Variants in PEDS1 observed in about 807,000 individuals in gnomAD.
PEDS1 encodes the protein CarF homolog.
Under a neutral mutation model 35.2 loss-of-function variants are expected in PEDS1, and 14 were observed. The ratio of observed to expected loss-of-function variants is 0.40; its 90% CI spans 0.26 to 0.62. The LOEUF (loss-of-function observed/expected upper bound fraction) is 0.62. PEDS1 is among the 20% of genes least tolerant of loss of function. PEDS1 has a pLI of 0.44. For synonymous variants in PEDS1, 152 were observed against 152.0 expected (o/e 1.00, Z 0.00); for missense variants, 260 against 367.8 (o/e 0.71, Z 2.40).
intron 3 of PEDS1, among the ~76,000 whole-genome samples, chr20:50,130,158 C>T (rs1193452104): frequency 1.3e-5 from 2 of 152,200 alleles, no homozygotes; most frequent in South Asian, 2.1e-4. Flanking sequence ...ATCATAGCAT[C>T]TCCTCCCTCT....
At chr20:50,139,206 G>T (rs904059026) in intron 2 of PEDS1, among the ~76,000 whole-genome samples, 1 of 152,106 alleles carries the variant, frequency 6.6e-6, no homozygotes, top group South Asian at 2.1e-4. Context: ...TGCCCGGAAG[G>T]CTTCTCCCAA....
In PEDS1 at chr20:50,129,417, T is replaced by C; in HGVS notation, c.478+129A>G. 7.3e-7 allele frequency: 1 copy of C among 1,367,982 alleles called. No individual in the cohort carries two copies. The highest frequency in any genetic ancestry group is 9.7e-7 in the Non-Finnish European group (1 of 1,033,062). 84.7% of individuals were successfully genotyped at this position (1,367,982 alleles called of 1,614,324 possible). A position where few individuals can be genotyped will look rare whatever the true frequency, so the allele number is the denominator to read the frequency against. ...TCATGTCAGGTTTCCTGATTTTACA[T>C]GAAGACAATGAATGAAAACTCTTTT... On this transcript the variant is annotated intron_variant, in intron 4 of 5. Transcript: ENST00000371652. The surrounding 1 kb of genome is among the most constrained non-coding windows in gnomAD (Gnocchi z 4.2).
intron 3 of PEDS1, among the ~76,000 whole-genome samples, chr20:50,130,197 G>A (rs6020283): frequency 0.016 from 2,363 of 152,324 alleles, 63 homozygotes; most frequent in African/African-American, 0.054. Context: ...GGCCCAGCAC[G>A]TGACCCAATC....
Position 50,128,685 on chromosome 20 carries a change from A to T in PEDS1, c.479-498T>A, listed in dbSNP as rs1173786969. On this transcript the variant is annotated intron_variant, in intron 4 of 5. Transcript: ENST00000371652. This position sits in a 1 kb window ranked among gnomAD's most constrained non-coding sequence, Gnocchi z 5.2. ...GCAAGACACGGCAGGGGAAGAGCAG[A>T]GCAAAGATGGGGTGGGTGGCGTCCT... Among the ~76,000 whole-genome samples, 1 of 152,198 alleles carries T rather than the reference A, an allele frequency of 6.6e-6. No homozygotes were observed. Among genetic ancestry groups the T allele is most frequent in the Admixed American group, 6.5e-5 (1 of 15,282 alleles).
intron 1 of PEDS1, among the ~76,000 whole-genome samples, chr20:50,145,995 GC>G (rs1361784702): frequency 6.6e-6 from 1 of 152,004 alleles, no homozygotes; most frequent in Middle Eastern, 3.2e-3. Flanking sequence ...TCCCGCTCTC[GC>G]CCCGCTCTAT....
At chr20:50,147,820 C>G (rs934783200) in intron 1 of PEDS1, among the ~76,000 whole-genome samples, 12 of 152,024 alleles carry the variant, frequency 7.9e-5, no homozygotes, top group African/African-American at 2.9e-4. Flanking sequence ...TTTGGGAGGC[C>G]GAGGTGGGCA....
In PEDS1 at chr20:50,143,639, G is replaced by T; in HGVS notation, c.122-18C>A. 1 of 1,613,852 alleles carries T rather than the reference G, an allele frequency of 6.2e-7. No homozygotes were observed. Among genetic ancestry groups the T allele is most frequent in the Non-Finnish European group, 8.5e-7 (1 of 1,179,878 alleles). On this transcript the variant is annotated intron_variant, in intron 1 of 5. Transcript: ENST00000371652. Reference sequence around the variant, plus strand: ...GCGCTTGCCTGCAGGGAGCAGAGGCGAGAGGTAAAGGCTGGAAGGTCAAGG... The same window carrying T: ...GCGCTTGCCTGCAGGGAGCAGAGGCTAGAGGTAAAGGCTGGAAGGTCAAGG...
At chr20:50,138,215 C>T (rs927225945) in intron 2 of PEDS1, among the ~76,000 whole-genome samples, 6 of 152,204 alleles carry the variant, frequency 3.9e-5, no homozygotes, top group African/African-American at 1.4e-4. Flanking sequence ...AATCTCACTT[C>T]ATGTCCACAG....
chr20:50,139,884 C>T (rs373401992), intron 2 of PEDS1, among the ~76,000 whole-genome samples: 4 of 151,980 alleles, frequency 2.6e-5, no homozygotes, highest in South Asian at 2.1e-4. Flanking sequence ...TTTCACCGTC[C>T]CAAAGTGCTG....
At chr20:50,126,574 A>G (rs1295151869) in intron 5 of PEDS1, among the ~76,000 whole-genome samples, 1 of 152,172 alleles carries the variant, frequency 6.6e-6, no homozygotes, top group Non-Finnish European at 1.5e-5. Context: ...TGGCCCTAAG[A>G]AGGTGATATA....
intron 3 of PEDS1, among the ~76,000 whole-genome samples, chr20:50,130,384 G>T (rs2081164932): frequency 1.3e-5 from 2 of 152,192 alleles, no homozygotes; most frequent in South Asian, 4.1e-4. Flanking sequence ...AGATAGAGAT[G>T]GAAGAAGACT....
chr20:50,137,882 C>T (rs930360445), intron 2 of PEDS1, among the ~76,000 whole-genome samples: 1 of 151,744 alleles, frequency 6.6e-6, no homozygotes, highest in Non-Finnish European at 1.5e-5. Context: ...AACAAACAAA[C>T]AAAAAAAACT....
chr20:50,151,071 T>C, intron 1 of PEDS1: 1 of 376,768 alleles, frequency 2.7e-6, no homozygotes, highest in Non-Finnish European at 5.1e-6. Context: ...AGGTGTTCAA[T>C]ATGCACTGAG....
chr20:50,128,201 A>T lies in PEDS1; in HGVS notation c.479-14T>A. On this transcript the variant is annotated splice_polypyrimidine_tract_variant and intron_variant, in intron 4 of 5. Coordinates refer to ENST00000371652, the MANE Select transcript of PEDS1 (RefSeq NM_199129.4). The surrounding 1 kb of genome is among the most constrained non-coding windows in gnomAD (Gnocchi z 5.2). ...GCTCCAGGGCTTCTGCAGGTTGGGGAGAGGGGGGGCCGGCACAGCTGTCAC... is the reference window on the plus strand; with the variant it reads ...GCTCCAGGGCTTCTGCAGGTTGGGGTGAGGGGGGGCCGGCACAGCTGTCAC... The T allele has an allele frequency of 2.5e-6, 4 of 1,613,322 alleles. No homozygotes were observed. Among genetic ancestry groups the T allele is most frequent in the Non-Finnish European group, 3.4e-6 (4 of 1,179,804 alleles).
intron 2 of PEDS1, 132 bp downstream of exon 2, chr20:50,143,370 T>C: frequency 7.1e-7 from 1 of 1,416,454 alleles, no homozygotes; most frequent in Admixed American, 2.2e-5. Flanking sequence ...AATAGGGAGG[T>C]GGGGTACTCA....
chr20:50,126,675 G>C (rs960335617), intron 5 of PEDS1, among the ~76,000 whole-genome samples: 2 of 152,204 alleles, frequency 1.3e-5, no homozygotes, highest in African/African-American at 4.8e-5. Flanking sequence ...TGGAGAAGCT[G>C]AGAGTTAGGC....
chr20:50,130,811 A>G, intron 3 of PEDS1, 45 bp downstream of exon 3: 1 of 1,611,364 alleles, frequency 6.2e-7, no homozygotes, highest in South Asian at 1.1e-5. Context: ...AAGGCCATAC[A>G]GCCCAACCTC....
At chr20:50,139,966 C>G (rs1315003672) in intron 2 of PEDS1, among the ~76,000 whole-genome samples, 1 of 152,154 alleles carries the variant, frequency 6.6e-6, no homozygotes, top group African/African-American at 2.4e-5. Flanking sequence ...CTCCCTGCCT[C>G]CAGACCTAGA....
At position 50,135,792 on chromosome 20, in the gene PEDS1, C is replaced by T. The variant is rs753523445; in HGVS notation, c.242-4845G>A. On this transcript the variant is annotated intron_variant, in intron 2 of 5. Transcript: ENST00000371652. The stretch of plus-strand genomic sequence containing the variant: ...TCAGCAGAGACTGATTTTGCCTATT[C>T]TAGAACTTTATTTAAACGGATTCAG... Among the ~76,000 whole-genome samples the T allele has an allele frequency of 2.0e-5, 3 of 151,540 alleles. No individual in the cohort carries two copies. In the East Asian group the frequency reaches 5.8e-4, roughly 29 times the overall value.
Sources: gnomAD v4.1 joint callset for allele counts (sites outside exome capture counted in the v4.1 genomes callset) on GRCh38, gnomAD v4.1.1 for gene constraint, Gnocchi (gnomAD v3.1) non-coding constraint, MANE v1.5 for transcripts, NCBI Gene and HGNC (gene_info 2026-07-23, HGNC 2026-07-21) for gene names.